Variants in ERBIN observed in about 807,000 individuals in gnomAD.
ERBIN encodes densin-180-like protein.
A neutral mutation model predicts 158.4 loss-of-function variants in ERBIN; 60 were observed. The observed-to-expected ratio is 0.38, with a 90% confidence interval of 0.31 to 0.47. The LOEUF (loss-of-function observed/expected upper bound fraction) is 0.47, where lower values mean the gene tolerates loss of function less well. Ranked by LOEUF, ERBIN falls within the 20% of genes least tolerant of loss-of-function variation. ERBIN has a pLI of 0.99. For synonymous variants in ERBIN, 594 were observed against 557.2 expected (o/e 1.07, Z -0.93); for missense variants, 1,610 against 1,648.0 (o/e 0.98, Z 0.40).
chr5:65,973,545 A>G (rs1749514670), intron 1 of ERBIN, among the ~76,000 whole-genome samples: 1 of 151,426 alleles, frequency 6.6e-6, no homozygotes. Flanking sequence ...TGGCACTCAC[A>G]TCTAGGATTC....
chr5:65,978,212 T>C (rs1173673824), intron 1 of ERBIN, among the ~76,000 whole-genome samples: 1 of 152,230 alleles, frequency 6.6e-6, no homozygotes. Context: ...GTTTCACCTT[T>C]TCCAAGTATT....
intron 1 of ERBIN, among the ~76,000 whole-genome samples, chr5:65,940,731 G>C (rs1228975061): frequency 6.7e-6 from 1 of 150,278 alleles, no homozygotes; most frequent in African/African-American, 2.5e-5. Context: ...CGCCCCGTCC[G>C]GGAGGTGAGG....
chr5:66,070,792 C>T (rs892427797), intron 21 of ERBIN, among the ~76,000 whole-genome samples: 11 of 152,042 alleles, frequency 7.2e-5, no homozygotes, highest in Admixed American at 5.2e-4. Context: ...AGATGTGTTG[C>T]GGATATAATT....
chr5:66,027,380 T>C (rs1378571470), intron 13 of ERBIN, among the ~76,000 whole-genome samples: 2 of 152,054 alleles, frequency 1.3e-5, no homozygotes, highest in Non-Finnish European at 2.9e-5. Context: ...ACTAGTTAGG[T>C]ATAAGATAGC....
At chr5:65,957,821 G>C (rs948890935) in intron 1 of ERBIN, among the ~76,000 whole-genome samples, 4 of 152,028 alleles carry the variant, frequency 2.6e-5, no homozygotes, top group Non-Finnish European at 5.9e-5. Flanking sequence ...CCTCCCGGAC[G>C]GGGCGGCTGC....
At chr5:66,036,305 C>CTT (rs1757389698) in intron 14 of ERBIN, among the ~76,000 whole-genome samples, 1 of 152,128 alleles carries the variant, frequency 6.6e-6, no homozygotes, top group Non-Finnish European at 1.5e-5. Context: ...CACTATCCTA[C>CTT]TTAAAACCTT....
intron 4 of ERBIN, among the ~76,000 whole-genome samples, chr5:66,005,735 G>C (rs1048903036): frequency 2.0e-5 from 3 of 152,124 alleles, no homozygotes; most frequent in Non-Finnish European, 4.4e-5. Context: ...AAAAATCACA[G>C]GCATTCTTAT....
chr5:65,998,709 C>T (rs560298136), intron 4 of ERBIN, among the ~76,000 whole-genome samples: 17 of 151,466 alleles, frequency 1.1e-4, no homozygotes, highest in East Asian at 1.9e-4. Flanking sequence ...TCAGCCTGGG[C>T]GACATAGCAA....
intron 1 of ERBIN, among the ~76,000 whole-genome samples, chr5:65,942,858 AGGTCACG>A (rs1384307503): frequency 6.6e-6 from 1 of 151,162 alleles, no homozygotes; most frequent in Non-Finnish European, 1.5e-5. Flanking sequence ...TGGCGAGCTG[AGGTCACG>A]CCAGTGCACT....
chr5:65,938,379 T>G (rs1744349652), intron 1 of ERBIN, among the ~76,000 whole-genome samples: 1 of 151,184 alleles, frequency 6.6e-6, no homozygotes, highest in Non-Finnish European at 1.5e-5. Flanking sequence ...GTCTTTTTTT[T>G]TTTTTTTTTT....
chr5:66,075,299 T>A, intron 23 of ERBIN, 69 bp downstream of exon 23: 1 of 1,237,236 alleles, frequency 8.1e-7, no homozygotes, highest in Non-Finnish European at 1.2e-6. Context: ...GTTACTTAAT[T>A]ATTAGTAAAT....
intron 1 of ERBIN, among the ~76,000 whole-genome samples, chr5:65,957,866 G>A (rs1725575797): frequency 1.3e-5 from 2 of 151,444 alleles, no homozygotes; most frequent in Non-Finnish European, 3.0e-5. Flanking sequence ...CAGACGGGGC[G>A]GCTGCCGGGC....
In ERBIN at chr5:66,055,820, T is replaced by A. The variant is rs866704254; in HGVS notation, c.3633+869T>A. Among the ~76,000 whole-genome samples, 116 of 152,284 alleles carry A rather than the reference T, an allele frequency of 7.6e-4. 1 individual carries two copies. The Middle Eastern group carries it at 0.01, about 13-fold the overall frequency. On this transcript the variant is annotated intron_variant, in intron 21 of 25. Coordinates refer to ENST00000284037, the MANE Select transcript of ERBIN (RefSeq NM_001253697.2). ...ATTTTTAAAAATTCCTTAAATAAAATTTTCAGAAATGCCTAAAATATATTA... is the reference window on the plus strand; with the variant it reads ...ATTTTTAAAAATTCCTTAAATAAAAATTTCAGAAATGCCTAAAATATATTA...
In ERBIN at chr5:66,081,277, A is replaced by G. The variant is rs1762372470; in HGVS notation, c.*2747A>G. On this transcript the variant is annotated 3_prime_UTR_variant, in exon 26 of 26. Coordinates refer to ENST00000284037, the MANE Select transcript of ERBIN (RefSeq NM_001253697.2). ...ATTAAGGAATTATCACTTCATCTGA[A>G]TCAATGAAATTCTAAAATTCCCTAC... 1 of 152,174 alleles carries G rather than the reference A, an allele frequency of 6.6e-6. No homozygotes were observed. The highest frequency in any genetic ancestry group is 2.1e-4 in the South Asian group (1 of 4,822). The allele number at this position is 152,174 out of a possible 1,614,324, so 9.4% of individuals were successfully genotyped here. A position where few individuals can be genotyped will look rare whatever the true frequency, so the allele number is the denominator to read the frequency against.
chr5:65,941,351 C>T (rs1419417605), intron 1 of ERBIN, among the ~76,000 whole-genome samples: 2 of 109,794 alleles, frequency 1.8e-5, no homozygotes, highest in Non-Finnish European at 4.1e-5. Flanking sequence ...CAAATAACAA[C>T]AATATAGCAA....
At chr5:65,929,143 A>G (rs1743046691) in intron 1 of ERBIN, among the ~76,000 whole-genome samples, 1 of 152,196 alleles carries the variant, frequency 6.6e-6, no homozygotes, top group South Asian at 2.1e-4. Flanking sequence ...TGGAAACCAA[A>G]TTTTTATTGT....
At chr5:65,973,822 T>C (rs57109431) in intron 1 of ERBIN, among the ~76,000 whole-genome samples, 6,360 of 151,190 alleles carry the variant, frequency 0.042, 768 homozygotes, top group African/African-American at 0.15. Flanking sequence ...TTAAGAAATG[T>C]TTTTTAGGTT....
intron 1 of ERBIN, among the ~76,000 whole-genome samples, chr5:65,967,199 A>C (rs549912837): frequency 3.3e-5 from 5 of 152,266 alleles, no homozygotes; most frequent in Admixed American, 2.0e-4. Context: ...AAAAAGAAAA[A>C]GTTTATAACG....
chr5:66,073,021 T>G (rs1484433424), intron 22 of ERBIN, among the ~76,000 whole-genome samples: 1 of 152,206 alleles, frequency 6.6e-6, no homozygotes, highest in African/African-American at 2.4e-5. Context: ...TATTTTACCC[T>G]CTTTTAATTG....
Sources: gnomAD v4.1 joint callset for allele counts (sites outside exome capture counted in the v4.1 genomes callset) on GRCh38, gnomAD v4.1.1 for gene constraint, MANE v1.5 for transcripts, NCBI Gene and HGNC (gene_info 2026-07-23, HGNC 2026-07-21) for gene names.